The following MYT1L variants were observed in gnomAD, a reference collection of about 807,000 sequenced individuals.
The protein encoded by MYT1L is myelin transcription factor 1 like.
A neutral mutation model predicts 126.7 loss-of-function variants in MYT1L; 12 were observed. The observed-to-expected ratio is 0.09, with a 90% CI of 0.06 to 0.15. The LOEUF is 0.15. MYT1L is among the 10% of genes least tolerant of loss of function. The pLI is 1.00. For synonymous variants in MYT1L, 541 were observed against 604.2 expected (o/e 0.90, Z 1.53); for missense variants, 979 against 1,585.2 (o/e 0.62, Z 6.49).
chr2:2,134,841 C>A (rs757428671), intron 3 of MYT1L, among the ~76,000 whole-genome samples: 27 of 152,186 alleles, frequency 1.8e-4, no homozygotes, highest in Non-Finnish European at 3.2e-4. Flanking sequence ...AACTCCTTAA[C>A]ATGTATTGCA....
In MYT1L at chr2:1,959,099, T is replaced by G. The variant is rs1325573888; in HGVS notation, c.153-15765A>C. Among the ~76,000 whole-genome samples the G allele has an allele frequency of 5.3e-5, 8 of 152,172 alleles. 1 individual carries two copies. Among genetic ancestry groups the G allele is most frequent in the Admixed American group, 5.2e-4 (8 of 15,290 alleles). ...TGATAAATGCTAATAGAATGCATGA[T>G]GACATCAACAATCAATAGGTGTCAG... is the stretch of plus-strand genomic sequence containing the variant. On this transcript the variant is annotated intron_variant, in intron 8 of 24. Transcript: ENST00000647738.
At chr2:2,040,088 T>C (rs752456130) in intron 4 of MYT1L, among the ~76,000 whole-genome samples, 3 of 152,210 alleles carry the variant, frequency 2.0e-5, no homozygotes, top group South Asian at 2.1e-4. Flanking sequence ...CATCTTAATA[T>C]GTGCTGATCA....
chr2:1,880,579 T>C lies in MYT1L; in HGVS notation c.2711+5960A>G, dbSNP rs182250269. On this transcript the variant is annotated intron_variant, in intron 18 of 24. Coordinates refer to ENST00000647738, the MANE Select transcript of MYT1L (RefSeq NM_001303052.2). ...TTTCAGAAGAATGAATAATGAAATATAAATGAAAAATGGAAAAGTTTCATT... is the reference window on the plus strand; with the variant it reads ...TTTCAGAAGAATGAATAATGAAATACAAATGAAAAATGGAAAAGTTTCATT... Among the ~76,000 whole-genome samples, 34 of 152,352 alleles carry C rather than the reference T, an allele frequency of 2.2e-4. No homozygotes were observed. In the East Asian group the frequency reaches 6.0e-3, roughly 27 times the overall value.
intron 4 of MYT1L, among the ~76,000 whole-genome samples, chr2:2,028,786 A>C (rs1383223599): frequency 6.6e-6 from 1 of 152,196 alleles, no homozygotes; most frequent in Non-Finnish European, 1.5e-5. Context: ...CATCAGGACA[A>C]AGCACTTTAT....
intron 3 of MYT1L, among the ~76,000 whole-genome samples, chr2:2,161,209 T>C (rs937113314): frequency 5.3e-5 from 8 of 152,182 alleles, no homozygotes; most frequent in Non-Finnish European, 8.8e-5. Context: ...AGAGACTCCA[T>C]CTCAAACAAA....
chr2:1,803,551 T>C (rs2035209364), intron 22 of MYT1L, among the ~76,000 whole-genome samples: 1 of 152,210 alleles, frequency 6.6e-6, no homozygotes, highest in African/African-American at 2.4e-5. Context: ...TCATTTTAAA[T>C]CCAAATAAAA....
chr2:2,319,804 C>G (rs535771440), intron 1 of MYT1L, among the ~76,000 whole-genome samples: 6 of 152,034 alleles, frequency 3.9e-5, no homozygotes, highest in African/African-American at 1.4e-4. Flanking sequence ...CAAGTACACA[C>G]ATTACCTGAC....
At chr2:2,302,532 G>A (rs1409885550) in intron 1 of MYT1L, among the ~76,000 whole-genome samples, 27 of 152,150 alleles carry the variant, frequency 1.8e-4, no homozygotes, top group Admixed American at 1.8e-3. Flanking sequence ...ATGTCAAATT[G>A]CAATGACTAT....
chr2:1,882,636 T>A (rs2047710209), intron 18 of MYT1L, among the ~76,000 whole-genome samples: 1 of 152,166 alleles, frequency 6.6e-6, no homozygotes, highest in African/African-American at 2.4e-5. Context: ...TATTGTAAAC[T>A]GTGAAAGCAA....
At chr2:1,988,704 T>C (rs547829426) in intron 5 of MYT1L, among the ~76,000 whole-genome samples, 29 of 152,210 alleles carry the variant, frequency 1.9e-4, no homozygotes, top group Non-Finnish European at 4.3e-4. Flanking sequence ...AAAAGAATCT[T>C]AGGTAAGAAC....
At chr2:2,165,058 C>T (rs2088800141) in intron 3 of MYT1L, among the ~76,000 whole-genome samples, 1 of 152,126 alleles carries the variant, frequency 6.6e-6, no homozygotes, top group South Asian at 2.1e-4. Flanking sequence ...CTGGATGAGT[C>T]TCTGCTGGAA....
At chr2:2,277,698 C>T (rs1007961543) in intron 2 of MYT1L, among the ~76,000 whole-genome samples, 3 of 152,030 alleles carry the variant, frequency 2.0e-5, no homozygotes, top group African/African-American at 7.3e-5. Flanking sequence ...AGTTACTGCC[C>T]TTCAGGTGTT....
chr2:2,166,449 T>C (rs1229162950), intron 3 of MYT1L, among the ~76,000 whole-genome samples: 6 of 152,218 alleles, frequency 3.9e-5, no homozygotes, highest in Non-Finnish European at 5.9e-5. Context: ...TGTATTATAA[T>C]GAGGGGAGAA....
At chr2:2,123,878 A>G (rs1275519326) in intron 3 of MYT1L, among the ~76,000 whole-genome samples, 5 of 152,160 alleles carry the variant, frequency 3.3e-5, no homozygotes, top group African/African-American at 4.8e-5. Flanking sequence ...GAAAGCAGAC[A>G]TTAGCATGTG....
chr2:2,217,751 G>T (rs1215231632), intron 2 of MYT1L, among the ~76,000 whole-genome samples: 1 of 127,494 alleles, frequency 7.8e-6, no homozygotes, highest in South Asian at 2.6e-4. Context: ...AAGAAAGAAA[G>T]AAAATCCACA....
At chr2:2,246,754 T>A (rs528985191) in intron 2 of MYT1L, among the ~76,000 whole-genome samples, 1 of 152,216 alleles carries the variant, frequency 6.6e-6, no homozygotes, top group African/African-American at 2.4e-5. Context: ...TTGATTTACA[T>A]CTGAAGATGA....
chr2:2,318,600 G>T (rs1442006978), intron 1 of MYT1L, among the ~76,000 whole-genome samples: 1 of 152,154 alleles, frequency 6.6e-6, no homozygotes, highest in Non-Finnish European at 1.5e-5. Context: ...CTCCATTCTT[G>T]TTCTCAGGAC....
At chr2:1,831,097 G>A (rs1322653821) in intron 21 of MYT1L, among the ~76,000 whole-genome samples, 2 of 152,002 alleles carry the variant, frequency 1.3e-5, no homozygotes, top group Non-Finnish European at 2.9e-5. Context: ...TCCTGAAGGT[G>A]TCCCAGACAC....
intron 1 of MYT1L, among the ~76,000 whole-genome samples, chr2:2,311,843 G>A (rs1287274832): frequency 1.3e-5 from 2 of 152,180 alleles, no homozygotes; most frequent in Non-Finnish European, 2.9e-5. Flanking sequence ...CATAAATGAG[G>A]TAGTGTCACT....
Sources: gnomAD v4.1 joint callset for allele counts (sites outside exome capture counted in the v4.1 genomes callset) on GRCh38, gnomAD v4.1.1 for gene constraint, MANE v1.5 for transcripts, NCBI Gene and HGNC (gene_info 2026-07-23, HGNC 2026-07-21) for gene names.